MAN2A1: variants seen among roughly 807,000 people sequenced by gnomAD.
MAN2A1 encodes alpha-mannosidase 2.
In MAN2A1, 76 loss-of-function variants were observed where a neutral mutation model predicts 142.6. That is an observed-to-expected ratio of 0.53 (90% confidence interval 0.44 to 0.65). MAN2A1 has a LOEUF of 0.65. Among genes scored for constraint, MAN2A1 ranks in the 30% least tolerant of loss-of-function variants. The pLI is 0.00. For synonymous variants in MAN2A1, 559 were observed against 473.2 expected, an observed-to-expected ratio of 1.18 and a Z score of -2.35; for missense variants, 1,311 against 1,365.1, an observed-to-expected ratio of 0.96 and a Z score of 0.62.
At chr5:109,804,852 A>G (rs923439754) in intron 12 of MAN2A1, among the ~76,000 whole-genome samples, 1 of 152,178 alleles carries the variant, frequency 6.6e-6, no homozygotes, top group African/African-American at 2.4e-5. Flanking sequence ...TTAACAACAA[A>G]ACAGTCTTAT....
At chr5:109,808,224 C>G (rs1474176053) in intron 12 of MAN2A1, among the ~76,000 whole-genome samples, 1 of 151,972 alleles carries the variant, frequency 6.6e-6, no homozygotes, top group Non-Finnish European at 1.5e-5. Context: ...CTTCCTTTGC[C>G]CTTTAAAAAA....
intron 12 of MAN2A1, among the ~76,000 whole-genome samples, chr5:109,805,685 T>A (rs1754146056): frequency 6.6e-6 from 1 of 152,204 alleles, no homozygotes; most frequent in South Asian, 2.1e-4. Flanking sequence ...TTTCATTTGC[T>A]CTCTATATTT....
intron 4 of MAN2A1, among the ~76,000 whole-genome samples, chr5:109,742,408 C>G (rs1186135499): frequency 2.0e-5 from 3 of 152,046 alleles, no homozygotes; most frequent in African/African-American, 4.8e-5. Context: ...AGCAAGAATG[C>G]AAACTCTTTA....
chr5:109,817,297 A>G lies in MAN2A1; in HGVS notation c.1968A>G (p.Leu656=), dbSNP rs777752528. ...GGTACCTTGTGGTCTATAATCCTTT[A>G]GAACAAGACCGAATCTCGTTGGTCT... is the stretch of plus-strand genomic sequence containing the variant. ...EPRYLVVYNP[L]EQDRISLVSV... The change falls in exon 13 of 22, where the codon TTA becomes TTG. Residue 656 remains leucine (L), a synonymous_variant. Coordinates refer to ENST00000261483, the MANE Select transcript of MAN2A1 (RefSeq NM_002372.4). 9.3e-6 allele frequency: 15 copies of G among 1,614,048 alleles called. No homozygotes were observed. In the East Asian group the frequency reaches 2.2e-4, roughly 24 times the overall value.
At chr5:109,806,602 A>G (rs1330975278) in intron 12 of MAN2A1, among the ~76,000 whole-genome samples, 1 of 152,214 alleles carries the variant, frequency 6.6e-6, no homozygotes, top group South Asian at 2.1e-4. Flanking sequence ...AGAGCTTTCT[A>G]GAATATTTAC....
At chr5:109,737,614 G>A (rs922068778) in intron 4 of MAN2A1, among the ~76,000 whole-genome samples, 4 of 151,850 alleles carry the variant, frequency 2.6e-5, no homozygotes, top group Non-Finnish European at 5.9e-5. Flanking sequence ...TTGCATACAC[G>A]TTCTTAAAAA....
chr5:109,797,373 T>A (rs1395986176), intron 12 of MAN2A1, among the ~76,000 whole-genome samples: 1 of 151,704 alleles, frequency 6.6e-6, no homozygotes, highest in Non-Finnish European at 1.5e-5. Flanking sequence ...AATGAAAATA[T>A]TTGGAAGAGG....
At chr5:109,797,630 C>A (rs1753899088) in intron 12 of MAN2A1, among the ~76,000 whole-genome samples, 2 of 151,916 alleles carry the variant, frequency 1.3e-5, no homozygotes, top group South Asian at 4.2e-4. Context: ...ACAGCAGAGG[C>A]AATGATCAAA....
intron 12 of MAN2A1, among the ~76,000 whole-genome samples, chr5:109,801,498 G>T (rs1169743821): frequency 6.6e-6 from 1 of 152,122 alleles, no homozygotes; most frequent in African/African-American, 2.4e-5. Context: ...AGCTATGACT[G>T]TTGCCATCCT....
chr5:109,747,421 G>A (rs2300998), intron 4 of MAN2A1, among the ~76,000 whole-genome samples: 46,526 of 151,852 alleles, frequency 0.31, 7,561 homozygotes, highest in East Asian at 0.64. Flanking sequence ...CTGTGATATC[G>A]TTTTTAATGG....
Position 109,739,630 on chromosome 5 carries a change from C to T in MAN2A1, c.707+10117C>T, listed in dbSNP as rs116496881. Among the ~76,000 whole-genome samples the T allele has an allele frequency of 6.5e-3, 984 of 152,180 alleles. 13 individuals are homozygous for T. Among genetic ancestry groups the T allele is most frequent in the African/African-American group, 0.022 (914 of 41,526 alleles). Reference sequence around the variant, plus strand: ...GTATTTCCCTCCTTTTTTATTTATCCGTGAGCAGCAACAGCTGTATCCACA... The same window carrying T: ...GTATTTCCCTCCTTTTTTATTTATCTGTGAGCAGCAACAGCTGTATCCACA... On this transcript the variant is annotated intron_variant, in intron 4 of 21. Coordinates refer to ENST00000261483, the MANE Select transcript of MAN2A1 (RefSeq NM_002372.4).
In MAN2A1 at chr5:109,817,573, G is replaced by A; in HGVS notation, c.2109+135G>A. The A allele has an allele frequency of 6.6e-6, 5 of 763,270 alleles. No individual in the cohort carries two copies. The South Asian group carries it at 9.8e-5, about 15-fold the overall frequency. The allele number at this position is 763,270 out of a possible 1,614,324, so 47.3% of individuals were successfully genotyped here. ...GGTGATGAAAGTTGTAAATACCAGA[G>A]AGTTTAACTGGTGGGTCAAATGACA... is the stretch of plus-strand genomic sequence containing the variant. On this transcript the variant is annotated intron_variant, in intron 13 of 21. Coordinates refer to ENST00000261483, the MANE Select transcript of MAN2A1 (RefSeq NM_002372.4).
intron 1 of MAN2A1, among the ~76,000 whole-genome samples, chr5:109,701,316 A>G (rs1426174766): frequency 6.6e-6 from 1 of 152,228 alleles, no homozygotes; most frequent in Non-Finnish European, 1.5e-5. Flanking sequence ...TTGCTAGTGT[A>G]AAGTACGGTG....
intron 1 of MAN2A1, among the ~76,000 whole-genome samples, chr5:109,705,181 C>T (rs529752860): frequency 6.6e-6 from 1 of 152,122 alleles, no homozygotes; most frequent in Admixed American, 6.5e-5. Flanking sequence ...TCTTGTCATT[C>T]TTTCATGTTC....
chr5:109,730,483 C>T (rs1232478099), intron 4 of MAN2A1, among the ~76,000 whole-genome samples: 1 of 151,622 alleles, frequency 6.6e-6, no homozygotes, highest in African/African-American at 2.4e-5. Flanking sequence ...AAGTTTTCTC[C>T]AATCTAGAGG....
intron 4 of MAN2A1, among the ~76,000 whole-genome samples, chr5:109,731,716 A>G (rs189583575): frequency 6.6e-6 from 1 of 151,992 alleles, no homozygotes; most frequent in Admixed American, 6.5e-5. Flanking sequence ...GCTGCATAGT[A>G]TTCCATGGTG....
At chr5:109,698,493 C>T (rs1320914112) in intron 1 of MAN2A1, among the ~76,000 whole-genome samples, 1 of 151,570 alleles carries the variant, frequency 6.6e-6, no homozygotes, top group Non-Finnish European at 1.5e-5. Flanking sequence ...GGGGGTAATG[C>T]GTCTCATCGA....
intron 3 of MAN2A1, among the ~76,000 whole-genome samples, chr5:109,724,433 A>C (rs1751689269): frequency 6.6e-6 from 1 of 152,196 alleles, no homozygotes; most frequent in Non-Finnish European, 1.5e-5. Flanking sequence ...AATTAAAAAA[A>C]AGAAAATAAA....
rs1750916138 is a variant in MAN2A1 at position 109,699,603 on chromosome 5, G to GAC, written c.135+9052_135+9053insCA. 3 of 133,798 alleles carry GAC rather than the reference G, an allele frequency of 2.2e-5. No homozygotes were observed. The South Asian group carries it at 7.9e-4, about 35-fold the overall frequency. 8.3% of individuals were successfully genotyped at this position (133,798 alleles called of 1,614,324 possible). ...ATATACAATTTTTATTTGTCAGTTA[G>GAC]AGCTCGTTTGGAGGTTCCAGCAGGG... On this transcript the variant is annotated intron_variant, in intron 1 of 21. Coordinates refer to ENST00000261483, the MANE Select transcript of MAN2A1 (RefSeq NM_002372.4).
Sources: gnomAD v4.1 joint callset for allele counts (sites outside exome capture counted in the v4.1 genomes callset) on GRCh38, gnomAD v4.1.1 for gene constraint, MANE v1.5 for transcripts, NCBI Gene and HGNC (gene_info 2026-07-23, HGNC 2026-07-21) for gene names.